The following CSRNP3 variants were observed in gnomAD, a reference collection of about 807,000 sequenced individuals.
CSRNP3 encodes the protein cysteine and serine rich nuclear protein 3, also known as cysteine/serine-rich nuclear protein 3.
In CSRNP3, 12 loss-of-function variants were observed where a neutral mutation model predicts 48.0. That is an observed-to-expected ratio of 0.25 (90% CI 0.16 to 0.41). The LOEUF is 0.41. CSRNP3 is among the 10% of genes least tolerant of loss of function. CSRNP3 has a pLI of 1.00. For synonymous variants in CSRNP3, 263 were observed against 269.7 expected (o/e 0.98, Z 0.24); for missense variants, 580 against 724.4 (o/e 0.80, Z 2.29).
intron 2 of CSRNP3, among the ~76,000 whole-genome samples, chr2:165,515,541 T>C (rs1001380038): frequency 6.6e-6 from 1 of 151,598 alleles, no homozygotes; most frequent in South Asian, 2.1e-4. Context: ...AGATCACAAA[T>C]ATAGTCAGTT....
intron 3 of CSRNP3, among the ~76,000 whole-genome samples, chr2:165,539,157 G>T (rs112729243): frequency 2.0e-5 from 3 of 152,020 alleles, no homozygotes; most frequent in African/African-American, 4.8e-5. Context: ...TGTAATACAA[G>T]ATAATATTTT....
At position 165,688,385 on chromosome 2, in the gene CSRNP3, G is replaced by A. The variant is rs980646556; in HGVS notation, c.*8632G>A. 6.6e-6 allele frequency: 1 copy of A among 152,092 alleles called. No individual in the cohort carries two copies. Among genetic ancestry groups the A allele is most frequent in the African/African-American group, 2.4e-5 (1 of 41,424 alleles). 9.4% of individuals were successfully genotyped at this position (152,092 alleles called of 1,614,324 possible). A position where few individuals can be genotyped will look rare whatever the true frequency, so the allele number is the denominator to read the frequency against. ...TAGAACTTTTAATACATATGTACTG[G>A]TTAATGCCTGTTTACGCAGAAAATG... On this transcript the variant is annotated 3_prime_UTR_variant, in exon 7 of 7. Transcript: ENST00000651982.
intron 4 of CSRNP3, among the ~76,000 whole-genome samples, chr2:165,651,409 G>T (rs559274103): frequency 6.6e-6 from 1 of 152,254 alleles, no homozygotes; most frequent in Admixed American, 6.5e-5. Flanking sequence ...TGTGATACTT[G>T]ATATACTCAT....
chr2:165,474,955 G>A (rs1683941494), intron 1 of CSRNP3, among the ~76,000 whole-genome samples: 2 of 152,176 alleles, frequency 1.3e-5, no homozygotes, highest in South Asian at 2.1e-4. Context: ...TGTGGATACA[G>A]TTAGTTGCTG....
Position 165,518,978 on chromosome 2 carries a change from A to C in CSRNP3, c.-24+1017A>C, listed in dbSNP as rs41342748. 3.9e-5 allele frequency among the ~76,000 whole-genome samples: 6 copies of C among 152,048 alleles called. No homozygotes were observed. The South Asian group carries it at 1.0e-3, about 26-fold the overall frequency. On this transcript the variant is annotated intron_variant, in intron 3 of 6. Transcript: ENST00000651982. ...TAATTAAACAGACAAGCCAAATTTT[A>C]TAAGGGCATGTAATTAATTCTAAAG...
At chr2:165,612,431 A>C (rs1686154157) in intron 4 of CSRNP3, among the ~76,000 whole-genome samples, 1 of 152,018 alleles carries the variant, frequency 6.6e-6, no homozygotes, top group African/African-American at 2.4e-5. Flanking sequence ...TGAACATTCA[A>C]AATCCTCTCT....
At chr2:165,517,224 A>C (rs1400102710) in intron 2 of CSRNP3, among the ~76,000 whole-genome samples, 1 of 152,052 alleles carries the variant, frequency 6.6e-6, no homozygotes, top group Non-Finnish European at 1.5e-5. Context: ...CCCGGGTTTC[A>C]TCATCTGTCT....
intron 3 of CSRNP3, among the ~76,000 whole-genome samples, chr2:165,554,973 C>T (rs1441691793): frequency 2.6e-5 from 4 of 152,192 alleles, no homozygotes; most frequent in African/African-American, 9.7e-5. Flanking sequence ...AACACTCTGG[C>T]ATCCTTGTTA....
chr2:165,677,583 T>TAAA (rs34615804), intron 6 of CSRNP3, among the ~76,000 whole-genome samples: 19 of 144,692 alleles, frequency 1.3e-4, no homozygotes, highest in African/African-American at 1.8e-4. Context: ...GATTCATGAG[T>TAAA]AAAAAAAAAA....
intron 3 of CSRNP3, among the ~76,000 whole-genome samples, chr2:165,546,798 T>C (rs1481184150): frequency 6.6e-6 from 1 of 152,214 alleles, no homozygotes; most frequent in African/African-American, 2.4e-5. Context: ...TGAAAACCTA[T>C]GTATAATTTG....
At chr2:165,515,750 A>G (rs1470237099) in intron 2 of CSRNP3, among the ~76,000 whole-genome samples, 1 of 151,006 alleles carries the variant, frequency 6.6e-6, no homozygotes, top group Non-Finnish European at 1.5e-5. Context: ...GCAACTCAAC[A>G]TCTAATTTAA....
chr2:165,566,392 G>A (rs969125270), intron 3 of CSRNP3, among the ~76,000 whole-genome samples: 1 of 151,312 alleles, frequency 6.6e-6, no homozygotes, highest in Non-Finnish European at 1.5e-5. Context: ...AGCCCACCAT[G>A]ACTACCTTAG....
intron 5 of CSRNP3, among the ~76,000 whole-genome samples, chr2:165,660,688 G>T (rs777780908): frequency 5.3e-5 from 8 of 152,140 alleles, no homozygotes; most frequent in Non-Finnish European, 1.0e-4. Flanking sequence ...AGCTGAATGA[G>T]AAAAGAAGGA....
intron 2 of CSRNP3, among the ~76,000 whole-genome samples, chr2:165,515,420 C>G (rs1186693091): frequency 6.6e-6 from 1 of 150,732 alleles, no homozygotes; most frequent in Non-Finnish European, 1.5e-5. Flanking sequence ...ATCTTAATGC[C>G]TAAAGAAAGA....
At chr2:165,498,986 AATTT>A (rs1315396275) in intron 2 of CSRNP3, among the ~76,000 whole-genome samples, 3 of 152,154 alleles carry the variant, frequency 2.0e-5, no homozygotes, top group Non-Finnish European at 2.9e-5. Context: ...CTGACAGTGT[AATTT>A]ATTTACAAAT....
intron 3 of CSRNP3, among the ~76,000 whole-genome samples, chr2:165,519,600 G>A (rs1229998599): frequency 6.6e-6 from 1 of 152,156 alleles, no homozygotes; most frequent in African/African-American, 2.4e-5. Flanking sequence ...GCCTCATTGT[G>A]CCATTAGAGA....
Position 165,550,591 on chromosome 2 carries a change from A to C in CSRNP3, c.-24+32630A>C, listed in dbSNP as rs865841904. Reference sequence around the variant, plus strand: ...GTTGACAACAGAGCAAACCAAAAAAAGGCTTCATTTGCTGAGTAGAAATAA... The same window carrying C: ...GTTGACAACAGAGCAAACCAAAAAACGGCTTCATTTGCTGAGTAGAAATAA... On this transcript the variant is annotated intron_variant, in intron 3 of 6. Coordinates refer to ENST00000651982, the MANE Select transcript of CSRNP3 (RefSeq NM_001172173.2). Among the ~76,000 whole-genome samples, 29 of 152,336 alleles carry C rather than the reference A, an allele frequency of 1.9e-4. No individual in the cohort carries two copies. The Middle Eastern group carries it at 0.02, about 107-fold the overall frequency.
intron 2 of CSRNP3, among the ~76,000 whole-genome samples, chr2:165,500,365 A>C (rs530770836): frequency 6.7e-6 from 1 of 150,200 alleles, no homozygotes; most frequent in South Asian, 2.1e-4. Context: ...GTATACATAC[A>C]TATATGTATA....
chr2:165,559,936 A>T (rs1369790388), intron 3 of CSRNP3, among the ~76,000 whole-genome samples: 2 of 150,434 alleles, frequency 1.3e-5, no homozygotes, highest in Non-Finnish European at 3.0e-5. Context: ...AGTAGCTGGG[A>T]CTACAGGCGC....
Sources: allele counts gnomAD v4.1 joint callset (sites outside exome capture counted in the v4.1 genomes callset), GRCh38; gene constraint gnomAD v4.1.1; transcripts MANE v1.5; gene names NCBI Gene and HGNC (gene_info 2026-07-23, HGNC 2026-07-21).